TLL2: variants seen among roughly 807,000 people sequenced by gnomAD.
TLL2 encodes tolloid-like protein 2.
In TLL2, 106 loss-of-function variants were observed where a neutral mutation model predicts 123.0. The ratio of observed to expected loss-of-function variants is 0.86; its 90% CI spans 0.74 to 1.01. The LOEUF (loss-of-function observed/expected upper bound fraction) is 1.01. Among genes scored for constraint, TLL2 ranks in the 50% least tolerant of loss-of-function variants. The pLI, the probability that TLL2 is intolerant of heterozygous loss-of-function variation, is 0.00. For missense variants in TLL2, 1,332 were observed against 1,336.7 expected, an observed-to-expected ratio of 1.00 and a Z score of 0.06; for synonymous variants, 494 against 516.8, an observed-to-expected ratio of 0.96 and a Z score of 0.60.
intron 2 of TLL2, among the ~76,000 whole-genome samples, chr10:96,456,110 G>C (rs1477271447): frequency 6.6e-6 from 1 of 152,202 alleles, no homozygotes; most frequent in South Asian, 2.1e-4. Context: ...GTAGTAAGAA[G>C]GTAGTAAGAG....
chr10:96,441,446 T>C (rs958708230), intron 3 of TLL2, among the ~76,000 whole-genome samples: 1 of 152,230 alleles, frequency 6.6e-6, no homozygotes, highest in African/African-American at 2.4e-5. Context: ...TCTGCCTCCC[T>C]GCTCTGAGAC....
Position 96,368,054 on chromosome 10 carries a change from A to G in TLL2, c.*34T>C. The G allele has an allele frequency of 6.2e-7, 1 of 1,609,896 alleles. No individual in the cohort carries two copies. Among genetic ancestry groups the G allele is most frequent in the Non-Finnish European group, 8.5e-7 (1 of 1,177,368 alleles). On this transcript the variant is annotated 3_prime_UTR_variant, in exon 21 of 21. Transcript: ENST00000357947. ...GTTAAAAACAAAACAAAACAAAAAA[A>G]ATTCTCAGTTTCTGTCTTTCAAGAA... is the stretch of plus-strand genomic sequence containing the variant.
chr10:96,403,873 A>C (rs1846421505), intron 10 of TLL2, among the ~76,000 whole-genome samples: 1 of 152,144 alleles, frequency 6.6e-6, no homozygotes, highest in African/African-American at 2.4e-5. Flanking sequence ...ATATGTTTGC[A>C]GCAATGCTGC....
At chr10:96,386,405 G>A (rs1846235268) in intron 14 of TLL2, among the ~76,000 whole-genome samples, 190 bp from the exon 15 acceptor site, 1 of 152,204 alleles carries the variant, frequency 6.6e-6, no homozygotes, top group South Asian at 2.1e-4. Context: ...ACAAAATTGG[G>A]GATAAATCTT....
rs574930039 is a variant in TLL2, at chr10:96,388,217, C to T, written c.1727-1139G>A. Reference sequence around the variant, plus strand: ...ACAAGTTTGAGACCAGCCTGGGCAACATGGTGAAACCCCGTCTCTACTAAA... The same window carrying T: ...ACAAGTTTGAGACCAGCCTGGGCAATATGGTGAAACCCCGTCTCTACTAAA... On this transcript the variant is annotated intron_variant, in intron 13 of 20. Coordinates refer to ENST00000357947, the MANE Select transcript of TLL2 (RefSeq NM_012465.4). Among the ~76,000 whole-genome samples the T allele has an allele frequency of 7.9e-5, 12 of 152,212 alleles. No individual in the cohort carries two copies. In the East Asian group the frequency reaches 1.7e-3, roughly 22 times the overall value.
chr10:96,391,119 C>A (rs1846283566), intron 13 of TLL2, among the ~76,000 whole-genome samples: 1 of 152,128 alleles, frequency 6.6e-6, no homozygotes, highest in Non-Finnish European at 1.5e-5. Context: ...GGTCGCTCAC[C>A]CACTCTTCTT....
intron 2 of TLL2, among the ~76,000 whole-genome samples, chr10:96,471,511 A>G (rs916416836): frequency 2.6e-5 from 4 of 152,204 alleles, no homozygotes; most frequent in Non-Finnish European, 5.9e-5. Context: ...TGGGGGTCGC[A>G]TAGAGAAGAG....
At chr10:96,396,957 G>C (rs1846348546) in intron 11 of TLL2, among the ~76,000 whole-genome samples, 1 of 152,168 alleles carries the variant, frequency 6.6e-6, no homozygotes, top group Non-Finnish European at 1.5e-5. Flanking sequence ...AGGGTTGAGT[G>C]GGATGGCGTC....
intron 2 of TLL2, among the ~76,000 whole-genome samples, chr10:96,476,874 A>T (rs1394010161): frequency 7.3e-6 from 1 of 137,706 alleles, no homozygotes; most frequent in Non-Finnish European, 1.5e-5. Context: ...ACACACACAC[A>T]CACACACACA....
chr10:96,416,605 G>A (rs561451207), intron 7 of TLL2, among the ~76,000 whole-genome samples: 1 of 152,318 alleles, frequency 6.6e-6, no homozygotes, highest in South Asian at 2.1e-4. Context: ...AGGAACAGTA[G>A]GCCTTATGAT....
At chr10:96,508,320 C>T (rs773813844) in intron 1 of TLL2, among the ~76,000 whole-genome samples, 1 of 152,274 alleles carries the variant, frequency 6.6e-6, no homozygotes, top group Non-Finnish European at 1.5e-5. Context: ...GCAACAGCTG[C>T]CCCAGAGAGG....
At chr10:96,393,011 T>G (rs1012581532) in intron 13 of TLL2, among the ~76,000 whole-genome samples, 1 of 152,272 alleles carries the variant, frequency 6.6e-6, no homozygotes, top group Non-Finnish European at 1.5e-5. Context: ...GAATGTGGCA[T>G]GAGAATGACA....
At chr10:96,490,565 G>A (rs773010071) in intron 1 of TLL2, among the ~76,000 whole-genome samples, 1 of 152,200 alleles carries the variant, frequency 6.6e-6, no homozygotes, top group Non-Finnish European at 1.5e-5. Flanking sequence ...TTGAGGAAAA[G>A]TCAGTTGGCT....
chr10:96,428,553 T>C (rs1023513008), intron 5 of TLL2, 78 bp downstream of exon 5: 1 of 910,118 alleles, frequency 1.1e-6, no homozygotes. Flanking sequence ...TGGAAATACT[T>C]AGGTTTACAG....
At chr10:96,391,120 C>T (rs1305797688) in intron 13 of TLL2, among the ~76,000 whole-genome samples, 2 of 152,162 alleles carry the variant, frequency 1.3e-5, no homozygotes, top group Non-Finnish European at 2.9e-5. Flanking sequence ...GTCGCTCACC[C>T]ACTCTTCTTC....
intron 1 of TLL2, among the ~76,000 whole-genome samples, chr10:96,496,474 T>C (rs1847476490): frequency 6.6e-6 from 1 of 152,208 alleles, no homozygotes; most frequent in African/African-American, 2.4e-5. Context: ...AGCTGACTGC[T>C]TCTCAAGAGA....
Position 96,368,185 on chromosome 10 carries a change from A to T in TLL2, c.2951T>A (p.Met984Lys), listed in dbSNP as rs1374907827. The T allele has an allele frequency of 1.2e-6, 2 of 1,614,124 alleles. No homozygotes were observed. The highest frequency in any genetic ancestry group is 2.2e-5 in the East Asian group (1 of 44,898). ...EEIYSAGDSL[M>K]IRFRTDDTIN... ...GGTGTCATCTGTGCGGAATCGAATC[A>T]TCAGGGAATCACCTGCAGAGTAGAT... Residue 984 changes from methionine to lysine, a missense_variant, in exon 21 of 21, where the codon ATG becomes AAG. By Grantham distance (95) the Met-to-Lys change is moderately conservative. Transcript: ENST00000357947.
chr10:96,423,247 T>G (rs1330791799), intron 5 of TLL2, among the ~76,000 whole-genome samples: 1 of 152,200 alleles, frequency 6.6e-6, no homozygotes, highest in Non-Finnish European at 1.5e-5. Context: ...TCTTGAGCTT[T>G]TTGTGGTTAT....
At chr10:96,509,321 C>T (rs905691244) in intron 1 of TLL2, among the ~76,000 whole-genome samples, 8 of 152,096 alleles carry the variant, frequency 5.3e-5, no homozygotes, top group South Asian at 2.1e-4. Flanking sequence ...GTTGTTCTAC[C>T]CCACTGGTCT....
Sources: gnomAD v4.1 joint callset for allele counts (sites outside exome capture counted in the v4.1 genomes callset) on GRCh38, gnomAD v4.1.1 for gene constraint, MANE v1.5 for transcripts, NCBI Gene and HGNC (gene_info 2026-07-23, HGNC 2026-07-21) for gene names.